Variants in KIRREL3 observed in about 807,000 individuals in gnomAD.
The protein encoded by KIRREL3 is kirre like nephrin family adhesion molecule 3, also known as kin of IRRE-like protein 3.
Under a neutral mutation model 89.7 loss-of-function variants are expected in KIRREL3, and 36 were observed. That is an observed-to-expected ratio of 0.40 (90% CI 0.31 to 0.53). The LOEUF is 0.53. Ranked by LOEUF, KIRREL3 falls within the 20% of genes least tolerant of loss-of-function variation. KIRREL3 has a pLI of 0.49. For missense variants in KIRREL3, 864 were observed against 1,056.6 expected, an observed-to-expected ratio of 0.82 and a Z score of 2.53; for synonymous variants, 445 against 441.4, an observed-to-expected ratio of 1.01 and a Z score of -0.10.
At chr11:126,848,109 G>A (rs7929003) in intron 1 of KIRREL3, among the ~76,000 whole-genome samples, 2,045 of 152,238 alleles carry the variant, frequency 0.013, 49 homozygotes, top group African/African-American at 0.047. Context: ...AGGAGCCCAG[G>A]TCATCTTGGG....
chr11:126,456,303 G>A (rs765391771), intron 7 of KIRREL3, 46 bp downstream of exon 7: 3 of 1,329,046 alleles, frequency 2.3e-6, no homozygotes, highest in East Asian at 2.5e-5. Context: ...AGGCACGGGG[G>A]TGGGGGCCAG....
rs985173047 is a variant in KIRREL3, at chr11:126,474,279, C to T, written c.434-813G>A. On this transcript the variant is annotated intron_variant, in intron 4 of 16. Coordinates refer to ENST00000525144, the MANE Select transcript of KIRREL3 (RefSeq NM_032531.4). This position sits in a 1 kb window ranked among gnomAD's most constrained non-coding sequence, Gnocchi z 6.7. ...TTTTTCTTTAAATGAAGCACTGTCA[C>T]ACCTGCTGTCTGAGTTAGTCCTCAC... Among the ~76,000 whole-genome samples, 12 of 152,188 alleles carry T rather than the reference C, an allele frequency of 7.9e-5. No homozygotes were observed. Among genetic ancestry groups the T allele is most frequent in the Non-Finnish European group, 1.5e-5 (1 of 68,034 alleles).
chr11:126,572,382 T>C (rs965254324), intron 1 of KIRREL3, among the ~76,000 whole-genome samples: 2 of 152,248 alleles, frequency 1.3e-5, no homozygotes, highest in African/African-American at 2.4e-5. Context: ...AGCTTTGCTG[T>C]ACAGGTGAGG....
chr11:126,603,650 C>T (rs923872154), intron 1 of KIRREL3, among the ~76,000 whole-genome samples: 8 of 152,366 alleles, frequency 5.3e-5, no homozygotes, highest in South Asian at 2.1e-4. Flanking sequence ...CAGTGCCCAG[C>T]GCTGCTGCAT....
chr11:126,444,974 C>T lies in KIRREL3; in HGVS notation c.1252+5G>A, dbSNP rs1161130318. ...AGGCCTGGCTCACCCCAGCGAGGGT[C>T]TTACCATTGACGGTCAGGGTCACCT... is the stretch of plus-strand genomic sequence containing the variant. On this transcript the variant is annotated splice_donor_5th_base_variant and intron_variant, in intron 10 of 16. Transcript: ENST00000525144. 1 of 1,613,754 alleles carries T rather than the reference C, an allele frequency of 6.2e-7. No individual in the cohort carries two copies. The highest frequency in any genetic ancestry group is 1.3e-5 in the African/African-American group (1 of 75,050).
rs1949892308 is a variant in KIRREL3, at chr11:126,987,220, C to T, written c.55+13235G>A. Reference sequence around the variant, plus strand: ...CTACACCTAGAATTAAGGGGATACACTGACCCACAAAGATTCCTTTTCCAT... The same window carrying T: ...CTACACCTAGAATTAAGGGGATACATTGACCCACAAAGATTCCTTTTCCAT... On this transcript the variant is annotated intron_variant, in intron 1 of 16. Transcript: ENST00000525144. This position sits in a 1 kb window ranked among gnomAD's most constrained non-coding sequence, Gnocchi z 4.6. Among the ~76,000 whole-genome samples the T allele has an allele frequency of 6.6e-6, 1 of 152,218 alleles. No homozygotes were observed.
Position 126,627,487 on chromosome 11 carries a change from A to G in KIRREL3, c.56-64575T>C, listed in dbSNP as rs2134867315. ...GGGTGGTCACCTGGTGATGGGAACAAGCTTCTCCTTAATTAAGAATGTCAT... is the reference window on the plus strand; with the variant it reads ...GGGTGGTCACCTGGTGATGGGAACAGGCTTCTCCTTAATTAAGAATGTCAT... On this transcript the variant is annotated intron_variant, in intron 1 of 16. Coordinates refer to ENST00000525144, the MANE Select transcript of KIRREL3 (RefSeq NM_032531.4). The surrounding 1 kb of genome is among the most constrained non-coding windows in gnomAD (Gnocchi z 5.0). 6.6e-6 allele frequency among the ~76,000 whole-genome samples: 1 copy of G among 152,268 alleles called. No individual in the cohort carries two copies. Among genetic ancestry groups the G allele is most frequent in the Admixed American group, 6.5e-5 (1 of 15,300 alleles).
In KIRREL3 at chr11:126,709,506, A is replaced by G. The variant is rs187205631; in HGVS notation, c.56-146594T>C. 5.4e-4 allele frequency among the ~76,000 whole-genome samples: 82 copies of G among 152,328 alleles called. No homozygotes were observed. Among genetic ancestry groups the G allele is most frequent in the Non-Finnish European group, 6.6e-4 (45 of 68,030 alleles). Reference sequence around the variant, plus strand: ...GTGTCCCCAACATTCATATGCCCCAATACTTCAGAATGTGTCTATATTTGG... The same window carrying G: ...GTGTCCCCAACATTCATATGCCCCAGTACTTCAGAATGTGTCTATATTTGG... On this transcript the variant is annotated intron_variant, in intron 1 of 16. Coordinates refer to ENST00000525144, the MANE Select transcript of KIRREL3 (RefSeq NM_032531.4). This position sits in a 1 kb window ranked among gnomAD's most constrained non-coding sequence, Gnocchi z 4.0.
At position 126,892,412 on chromosome 11, in the gene KIRREL3, T is replaced by C. The variant is rs186304583; in HGVS notation, c.55+108043A>G. 1.3e-5 allele frequency among the ~76,000 whole-genome samples: 2 copies of C among 152,262 alleles called. No homozygotes were observed. Among genetic ancestry groups the C allele is most frequent in the East Asian group, 3.9e-4 (2 of 5,174 alleles). On this transcript the variant is annotated intron_variant, in intron 1 of 16. Transcript: ENST00000525144. The surrounding 1 kb of genome is among the most constrained non-coding windows in gnomAD (Gnocchi z 5.4). ...TATGACTCGATTTTAATCTGTACCA[T>C]TTAGGATATGCTCAGGAGGGGCCCT... is the stretch of plus-strand genomic sequence containing the variant.
chr11:126,604,896 C>T (rs1299340295), intron 1 of KIRREL3, among the ~76,000 whole-genome samples: 1 of 152,242 alleles, frequency 6.6e-6, no homozygotes, highest in Non-Finnish European at 1.5e-5. Context: ...AGCCCCCTCT[C>T]CTCATGGGGA....
Position 126,744,055 on chromosome 11 carries a change from A to C in KIRREL3, c.56-181143T>G, listed in dbSNP as rs10750337. Among the ~76,000 whole-genome samples, 2 of 151,920 alleles carry C rather than the reference A, an allele frequency of 1.3e-5. No individual in the cohort carries two copies. The highest frequency in any genetic ancestry group is 4.8e-5 in the African/African-American group (2 of 41,320). ...TGGGCAGAATTTTGATAAGCAGAAAAGAAGAGGAGCAGAAAATGTTCCAGA... is the reference window on the plus strand; with the variant it reads ...TGGGCAGAATTTTGATAAGCAGAAACGAAGAGGAGCAGAAAATGTTCCAGA... On this transcript the variant is annotated intron_variant, in intron 1 of 16. Transcript: ENST00000525144. This position sits in a 1 kb window ranked among gnomAD's most constrained non-coding sequence, Gnocchi z 4.7.
intron 1 of KIRREL3, among the ~76,000 whole-genome samples, chr11:126,856,589 A>G (rs987806716): frequency 3.0e-5 from 4 of 131,962 alleles, no homozygotes; most frequent in South Asian, 2.9e-4. Context: ...ATATATATAT[A>G]TATATATGTA....
At position 126,995,794 on chromosome 11, in the gene KIRREL3, T is replaced by C. The variant is rs1430406889; in HGVS notation, c.55+4661A>G. 6.6e-6 allele frequency among the ~76,000 whole-genome samples: 1 copy of C among 152,148 alleles called. No homozygotes were observed. The highest frequency in any genetic ancestry group is 2.4e-5 in the African/African-American group (1 of 41,434). ...CTGCAATATAATGCTGCCTAAGTCA[T>C]CCCCACTGGGCTGAACAAAAAAGAA... On this transcript the variant is annotated intron_variant, in intron 1 of 16. Transcript: ENST00000525144. This position sits in a 1 kb window ranked among gnomAD's most constrained non-coding sequence, Gnocchi z 6.5.
At chr11:126,440,235 A>G (rs1318117107) in intron 11 of KIRREL3, 1 of 699,284 alleles carries the variant, frequency 1.4e-6, no homozygotes, top group Non-Finnish European at 2.6e-6. Flanking sequence ...GCAGAATGGC[A>G]GCTGAACCCT....
At position 126,642,313 on chromosome 11, in the gene KIRREL3, G is replaced by C. The variant is rs752271224; in HGVS notation, c.56-79401C>G. Reference sequence around the variant, plus strand: ...CAGCAAGAGGCTCTGTTTGCGCCAAGTCTCCCTGTAAACACTGTGGTTATG... The same window carrying C: ...CAGCAAGAGGCTCTGTTTGCGCCAACTCTCCCTGTAAACACTGTGGTTATG... On this transcript the variant is annotated intron_variant, in intron 1 of 16. Transcript: ENST00000525144. The surrounding 1 kb of genome is among the most constrained non-coding windows in gnomAD (Gnocchi z 4.9). Among the ~76,000 whole-genome samples, 2 of 152,230 alleles carry C rather than the reference G, an allele frequency of 1.3e-5. No individual in the cohort carries two copies. The highest frequency in any genetic ancestry group is 2.9e-5 in the Non-Finnish European group (2 of 68,040).
Position 126,446,854 on chromosome 11 carries a change from A to G in KIRREL3, c.1030T>C (p.Leu344=). Residue 344 remains leucine (L), a synonymous_variant, in exon 9 of 17, where the codon TTG becomes CTG. Transcript: ENST00000525144. The stretch of plus-strand genomic sequence containing the variant: ...GCATCAGAGCCCAGATCCACGAGCA[A>G]GGATTGGGGTTCTGTGGTCATCCGG... ...GPRMTTEPQS[L]LVDLGSDAIF... 6.2e-7 allele frequency: 1 copy of G among 1,604,334 alleles called. No individual in the cohort carries two copies. Among genetic ancestry groups the G allele is most frequent in the Non-Finnish European group, 8.5e-7 (1 of 1,175,524 alleles).
At position 126,642,480 on chromosome 11, in the gene KIRREL3, T is replaced by G. The variant is rs1695666802; in HGVS notation, c.56-79568A>C. Among the ~76,000 whole-genome samples, 1 of 152,234 alleles carries G rather than the reference T, an allele frequency of 6.6e-6. No homozygotes were observed. The highest frequency in any genetic ancestry group is 1.5e-5 in the Non-Finnish European group (1 of 68,040). ...GCCCAAGCTAGACTCACTAGAAATG[T>G]TAACTCTGCCCTGCACTTTCCATTC... On this transcript the variant is annotated intron_variant, in intron 1 of 16. Transcript: ENST00000525144. This position sits in a 1 kb window ranked among gnomAD's most constrained non-coding sequence, Gnocchi z 4.9.
At position 126,516,966 on chromosome 11, in the gene KIRREL3, A is replaced by G. The variant is rs1322373440; in HGVS notation, c.433+4349T>C. 6.6e-6 allele frequency among the ~76,000 whole-genome samples: 1 copy of G among 152,014 alleles called. No individual in the cohort carries two copies. The highest frequency in any genetic ancestry group is 1.5e-5 in the Non-Finnish European group (1 of 67,996). On this transcript the variant is annotated intron_variant, in intron 4 of 16. Transcript: ENST00000525144. This position sits in a 1 kb window ranked among gnomAD's most constrained non-coding sequence, Gnocchi z 4.9. ...GTGGCACGTGCCTGTAATCCCAGCT[A>G]CTCAGGAGGCTGGAGCAGGAGGACC...
Position 126,424,655 on chromosome 11 carries a change from G to C in KIRREL3, c.2262C>G (p.Ser754=). 1 of 1,614,056 alleles carries C rather than the reference G, an allele frequency of 6.2e-7. No individual in the cohort carries two copies. Among genetic ancestry groups the C allele is most frequent in the African/African-American group, 1.3e-5 (1 of 75,062 alleles). ...DKASKASASS[S]HHSQSSSQNS... is the part of the protein sequence containing the mutation. ...TCTGGGACGAGGACTGGGAGTGGTGGGAGGAGGAAGCAGAAGCCTTGCTGG... is the reference window on the plus strand; with the variant it reads ...TCTGGGACGAGGACTGGGAGTGGTGCGAGGAGGAAGCAGAAGCCTTGCTGG... The change falls in exon 17 of 17, where the codon TCC becomes TCG. Residue 754 remains serine (S), a synonymous_variant. Coordinates refer to ENST00000525144, the MANE Select transcript of KIRREL3 (RefSeq NM_032531.4).
Sources: allele counts gnomAD v4.1 joint callset (sites outside exome capture counted in the v4.1 genomes callset), GRCh38; gene constraint gnomAD v4.1.1; non-coding constraint Gnocchi (gnomAD v3.1); transcripts MANE v1.5; gene names NCBI Gene and HGNC (gene_info 2026-07-23, HGNC 2026-07-21).